SCN1A: variants seen among roughly 807,000 people sequenced by gnomAD.
SCN1A encodes the protein sodium channel protein type 1 subunit alpha.
SCN1A carries 13 observed loss-of-function variants against 193.7 expected under a neutral mutation model. The ratio of observed to expected loss-of-function variants is 0.07; its 90% CI spans 0.04 to 0.11. SCN1A has a LOEUF of 0.11. SCN1A is among the 10% of genes least tolerant of loss of function. The pLI is 1.00. For missense variants in SCN1A, 1,432 were observed against 2,451.1 expected (o/e 0.58, Z 8.78); for synonymous variants, 781 against 843.6 (o/e 0.93, Z 1.29).
chr2:166,062,460 A>C (rs1271067431), intron 4 of SCN1A, among the ~76,000 whole-genome samples: 1 of 152,130 alleles, frequency 6.6e-6, no homozygotes, highest in Non-Finnish European at 1.5e-5. Context: ...CCGATCATTC[A>C]GTTTATAAGT....
intron 17 of SCN1A, among the ~76,000 whole-genome samples, chr2:166,038,588 T>C (rs1696759658): frequency 6.6e-6 from 1 of 152,144 alleles, no homozygotes; most frequent in South Asian, 2.1e-4. Flanking sequence ...TCCAACTGCC[T>C]CAGTCTCCCA....
rs529318489 is a variant in SCN1A at position 166,077,758 on chromosome 2, T to C, written c.-98A>G. On this transcript the variant is annotated 5_prime_UTR_variant, in exon 3 of 29. Transcript: ENST00000674923. ...GAAAACTTATGTCCACACAAAATCC[T>C]GCACACGGATGTATACAGCAGCCTT... The C allele has an allele frequency of 6.6e-6, 1 of 152,586 alleles. No individual in the cohort carries two copies. Among genetic ancestry groups the C allele is most frequent in the East Asian group, 1.9e-4 (1 of 5,192 alleles). 9.5% of individuals were successfully genotyped at this position (152,586 alleles called of 1,614,324 possible).
intron 7 of SCN1A, among the ~76,000 whole-genome samples, chr2:166,054,377 ATG>A (rs1698913296): frequency 6.6e-6 from 1 of 151,634 alleles, no homozygotes; most frequent in Non-Finnish European, 1.5e-5. Context: ...GTGTTTGTGC[ATG>A]TGTGTGTGGA....
intron 1 of SCN1A, chr2:166,137,519 A>G (rs1691909715): frequency 1.3e-5 from 2 of 152,450 alleles, no homozygotes; most frequent in African/African-American, 4.8e-5. Context: ...TGATGGCTTT[A>G]AAAATGGGAT....
At position 166,052,940 on chromosome 2, in the gene SCN1A, G is replaced by A. The variant is rs374555589; in HGVS notation, c.606C>T (p.Tyr202=). 35 of 1,611,238 alleles carry A rather than the reference G, an allele frequency of 2.2e-5. No individual in the cohort carries two copies. The highest frequency in any genetic ancestry group is 6.7e-5 in the Admixed American group (4 of 59,722). Residue 202 remains tyrosine, a synonymous_variant, in exon 8 of 29, where the codon TAC becomes TAT. Transcript: ENST00000674923. ...TGCCCAGGTCCACAAACTCTGTGAC[G>A]TACCTGTAATAGGGAGTTCACACAC... ...WLDFTVITFA[Y]VTEFVDLGNV...
chr2:166,044,946 C>G, intron 13 of SCN1A, 97 bp downstream of exon 13: 1 of 1,296,054 alleles, frequency 7.7e-7, no homozygotes, highest in Non-Finnish European at 1.1e-6. Flanking sequence ...GTGGTTGATT[C>G]AGTTGATAAA....
chr2:166,008,450 G>A lies in SCN1A; in HGVS notation c.4002+1269C>T, dbSNP rs1381858406. 4.6e-5 allele frequency among the ~76,000 whole-genome samples: 7 copies of A among 150,992 alleles called. 1 individual carries two copies. The highest frequency in any genetic ancestry group is 4.0e-4 in the Admixed American group (6 of 15,040). On this transcript the variant is annotated intron_variant, in intron 23 of 28. Transcript: ENST00000674923. ...ATTTTTTTTCTCCAGAACTGAAACT[G>A]CCAGTCTGAAACAAAACAAAGTGAC...
At chr2:166,123,101 A>G (rs1219697642) in intron 2 of SCN1A, among the ~76,000 whole-genome samples, 1 of 152,108 alleles carries the variant, frequency 6.6e-6, no homozygotes, top group Non-Finnish European at 1.5e-5. Context: ...ATAAAAAGAT[A>G]AACCATTGGA....
intron 19 of SCN1A, among the ~76,000 whole-genome samples, chr2:166,019,348 A>G (rs563049652): frequency 2.6e-5 from 4 of 152,296 alleles, no homozygotes. Flanking sequence ...TTTAAGCAAT[A>G]TAAGTATATT....
intron 3 of SCN1A, among the ~76,000 whole-genome samples, chr2:166,075,913 A>T (rs997690195): frequency 6.6e-6 from 1 of 151,984 alleles, no homozygotes; most frequent in Non-Finnish European, 1.5e-5. Context: ...TCTTACTATG[A>T]GAAAAGTGGA....
rs765728700 is a variant in SCN1A at position 166,051,703 on chromosome 2, TAACA to T, written c.964+12_964+15del. ...ATTCTACTTTTTAAGGAAATGTACA[TAACA>T]ATAATTCTTACTTGAATCTTGAATA... On this transcript the variant is annotated intron_variant, in intron 9 of 28. Transcript: ENST00000674923. 6.3e-7 allele frequency: 1 copy of T among 1,576,756 alleles called. No homozygotes were observed. Among genetic ancestry groups the T allele is most frequent in the Admixed American group, 1.7e-5 (1 of 59,122 alleles).
In SCN1A at chr2:166,066,020, G is replaced by T. The variant is rs187622954; in HGVS notation, c.265-7332C>A. On this transcript the variant is annotated intron_variant, in intron 4 of 28. Coordinates refer to ENST00000674923, the MANE Select transcript of SCN1A (RefSeq NM_001165963.4). ...TGCCATATGCTCACACAAAAGAGAAGAATTTGTACCTAGAGAAGAGTCTGT... is the reference window on the plus strand; with the variant it reads ...TGCCATATGCTCACACAAAAGAGAATAATTTGTACCTAGAGAAGAGTCTGT... Among the ~76,000 whole-genome samples the T allele has an allele frequency of 2.3e-3, 357 of 152,248 alleles. 1 individual carries two copies. Among genetic ancestry groups the T allele is most frequent in the African/African-American group, 7.5e-3 (310 of 41,552 alleles).
chr2:166,073,231 G>A (rs1684643979), intron 4 of SCN1A, 127 bp downstream of exon 4: 2 of 1,122,638 alleles, frequency 1.8e-6, no homozygotes, highest in Non-Finnish European at 1.3e-6. Flanking sequence ...ACCCACAAAT[G>A]TGTTTCATTT....
At chr2:166,138,681 G>A (rs975660223) in intron 1 of SCN1A, among the ~76,000 whole-genome samples, 5 of 152,166 alleles carry the variant, frequency 3.3e-5, no homozygotes, top group Non-Finnish European at 7.4e-5. Context: ...AAGGCAGTAT[G>A]GAAGGGAAAT....
intron 19 of SCN1A, among the ~76,000 whole-genome samples, chr2:166,018,377 C>T (rs747211170): frequency 2.0e-5 from 3 of 151,864 alleles, no homozygotes; most frequent in Non-Finnish European, 4.4e-5. Flanking sequence ...GTGAAAATTA[C>T]GAGAACCCAA....
intron 2 of SCN1A, among the ~76,000 whole-genome samples, chr2:166,102,543 A>C (rs72875654): frequency 1.1e-3 from 160 of 151,910 alleles, no homozygotes; most frequent in Non-Finnish European, 1.8e-3. Flanking sequence ...AAAGTCAGAA[A>C]ATAACAGATG....
chr2:166,105,293 T>A (rs1444605139), intron 2 of SCN1A, among the ~76,000 whole-genome samples: 1 of 152,238 alleles, frequency 6.6e-6, no homozygotes, highest in Non-Finnish European at 1.5e-5. Context: ...AATGAGAGAA[T>A]GAATTTGGTT....
Position 165,997,934 on chromosome 2 carries a change from A to G in SCN1A, c.4476+104T>C, listed in dbSNP as rs1690301980. 5 of 854,196 alleles carry G rather than the reference A, an allele frequency of 5.9e-6. No homozygotes were observed. The East Asian group carries it at 7.7e-5, about 13-fold the overall frequency. 52.9% of individuals were successfully genotyped at this position (854,196 alleles called of 1,614,324 possible). ...AGGAAGGAAAAATCAGTTATAATAT[A>G]TACTCCCATTTTGTTTCTAAATTCA... On this transcript the variant is annotated intron_variant, in intron 26 of 28. Transcript: ENST00000674923.
rs147970328 is a variant in SCN1A at position 166,036,106 on chromosome 2, A to C, written c.3371T>G (p.Phe1124Cys). 1 of 1,613,972 alleles carries C rather than the reference A, an allele frequency of 6.2e-7. No homozygotes were observed. The highest frequency in any genetic ancestry group is 2.2e-5 in the East Asian group (1 of 44,836). Residue 1124 changes from phenylalanine (F) to cysteine (C), a missense_variant, in exon 19 of 29, where the codon TTT (phenylalanine) becomes TGT (cysteine). Transcript: ENST00000674923. Reference sequence around the variant, plus strand: ...AAAGTCTTCCGTGTTTAAATTTTCAAAGTCAGATTCTCCTACAGCAATTGG... The same window carrying C: ...AAAGTCTTCCGTGTTTAAATTTTCACAGTCAGATTCTCCTACAGCAATTGG... Reference protein sequence around the residue: ...TVPIAVGESDFENLNTEDFSS... With the variant: ...TVPIAVGESDCENLNTEDFSS...
Sources: allele counts gnomAD v4.1 joint callset (sites outside exome capture counted in the v4.1 genomes callset), GRCh38; gene constraint gnomAD v4.1.1; transcripts MANE v1.5; gene names NCBI Gene and HGNC (gene_info 2026-07-23, HGNC 2026-07-21).